Variants in PTPRQ observed in about 807,000 individuals in gnomAD.
The protein encoded by PTPRQ is phosphatidylinositol phosphatase PTPRQ.
PTPRQ carries 199 observed loss-of-function variants against 246.0 expected under a neutral mutation model. The observed-to-expected ratio is 0.81, with a 90% CI of 0.72 to 0.91. The LOEUF is 0.91. Ranked by LOEUF, PTPRQ falls within the 40% of genes least tolerant of loss-of-function variation. PTPRQ has a pLI of 0.00. For synonymous variants in PTPRQ, 869 were observed against 853.2 expected (o/e 1.02, Z -0.32); for missense variants, 2,624 against 2,528.4 (o/e 1.04, Z -0.81).
At chr12:80,481,392 TCC>T (rs1894050260) in intron 8 of PTPRQ, among the ~76,000 whole-genome samples, 1 of 152,108 alleles carries the variant, frequency 6.6e-6, no homozygotes, top group African/African-American at 2.4e-5. Context: ...ATAAGAGCCA[TCC>T]ATGACAAACC....
intron 22 of PTPRQ, among the ~76,000 whole-genome samples, 170 bp from the exon 23 acceptor site, chr12:80,542,560 C>G (rs1896187543): frequency 6.6e-6 from 1 of 152,052 alleles, no homozygotes; most frequent in Admixed American, 6.6e-5. Flanking sequence ...TACTTTGGAA[C>G]TACTCTGTCC....
chr12:80,627,133 T>C (rs910672274), intron 33 of PTPRQ, among the ~76,000 whole-genome samples: 3 of 151,998 alleles, frequency 2.0e-5, no homozygotes, highest in African/African-American at 7.2e-5. Context: ...ATGTATACCA[T>C]GTGCAATTAT....
rs540067588 is a variant in PTPRQ, at chr12:80,624,297, G to A, written c.5686+2163G>A. Among the ~76,000 whole-genome samples, 52 of 152,298 alleles carry A rather than the reference G, an allele frequency of 3.4e-4. No individual in the cohort carries two copies. The South Asian group carries it at 9.5e-3, about 28-fold the overall frequency. On this transcript the variant is annotated intron_variant, in intron 33 of 44. Coordinates refer to ENST00000644991, the MANE Select transcript of PTPRQ (RefSeq NM_001145026.2). The stretch of plus-strand genomic sequence containing the variant: ...GGATAGTGACAAGGAAGGGTCCTAT[G>A]TGTCTATGATCAAATTACTCAGAGT...
chr12:80,512,736 A>G (rs986331908), intron 17 of PTPRQ: 1 of 152,178 alleles, frequency 6.6e-6, no homozygotes, highest in Admixed American at 6.5e-5. Context: ...TCTTTTGGGT[A>G]AATATTCAAT....
intron 35 of PTPRQ, 123 bp from the exon 36 acceptor site, chr12:80,648,774 G>A (rs1279347479): frequency 7.8e-6 from 6 of 771,438 alleles, no homozygotes; most frequent in African/African-American, 1.8e-5. Flanking sequence ...TCATATATTA[G>A]TTAAAGGCAT....
rs977332318 is a variant in PTPRQ at position 80,480,667 on chromosome 12, C to T, written c.1187-3766C>T. Reference sequence around the variant, plus strand: ...AAAAAAGAGAGAAGAATCAAATAGACGCAATACAAAATGATAAAGGGGATA... The same window carrying T: ...AAAAAAGAGAGAAGAATCAAATAGATGCAATACAAAATGATAAAGGGGATA... On this transcript the variant is annotated intron_variant, in intron 8 of 44. Coordinates refer to ENST00000644991, the MANE Select transcript of PTPRQ (RefSeq NM_001145026.2). Among the ~76,000 whole-genome samples the T allele has an allele frequency of 5.9e-4, 89 of 151,938 alleles. 1 individual carries two copies. The highest frequency in any genetic ancestry group is 5.7e-4 in the Non-Finnish European group (39 of 67,962).
chr12:80,590,911 A>C (rs930440754), intron 26 of PTPRQ, among the ~76,000 whole-genome samples: 22 of 151,942 alleles, frequency 1.4e-4, no homozygotes, highest in Admixed American at 4.6e-4. Flanking sequence ...TTTTGACTAG[A>C]ATGTTCTTCC....
chr12:80,448,530 C>G (rs1270746373), intron 3 of PTPRQ, among the ~76,000 whole-genome samples: 27 of 151,816 alleles, frequency 1.8e-4, no homozygotes, highest in Admixed American at 1.7e-3. Context: ...CCCACTCCCC[C>G]CACCCCACAA....
chr12:80,641,539 G>C (rs1899855594), intron 35 of PTPRQ, among the ~76,000 whole-genome samples: 1 of 152,180 alleles, frequency 6.6e-6, no homozygotes, highest in Non-Finnish European at 1.5e-5. Flanking sequence ...GGAATCATAA[G>C]TAACCTTGTT....
intron 10 of PTPRQ, among the ~76,000 whole-genome samples, chr12:80,494,419 A>G (rs755113564): frequency 6.6e-6 from 1 of 152,076 alleles, no homozygotes; most frequent in African/African-American, 2.4e-5. Context: ...GTATGAACAT[A>G]TGGTGAAATT....
chr12:80,510,905 C>T (rs1389149670), intron 17 of PTPRQ, among the ~76,000 whole-genome samples: 1 of 152,086 alleles, frequency 6.6e-6, no homozygotes, highest in Non-Finnish European at 1.5e-5. Flanking sequence ...CGTTTCTGAT[C>T]ACTGTTACCC....
chr12:80,636,492 C>T (rs1218935413), intron 35 of PTPRQ, among the ~76,000 whole-genome samples: 5 of 152,104 alleles, frequency 3.3e-5, no homozygotes, highest in African/African-American at 1.2e-4. Context: ...TAGTGGTATC[C>T]TCCTAGCCTC....
intron 5 of PTPRQ, 81 bp downstream of exon 5, chr12:80,459,564 T>C (rs1313994596): frequency 1.8e-5 from 7 of 397,172 alleles, no homozygotes; most frequent in East Asian, 3.6e-5. Context: ...CTAGATACTA[T>C]ATTTTTACCA....
intron 17 of PTPRQ, among the ~76,000 whole-genome samples, chr12:80,513,543 T>C (rs937832758): frequency 6.6e-6 from 1 of 151,814 alleles, no homozygotes; most frequent in Non-Finnish European, 1.5e-5. Context: ...TGGGCCAGGG[T>C]GGTGTTGGGA....
At chr12:80,456,066 T>C (rs1892972172) in intron 3 of PTPRQ, among the ~76,000 whole-genome samples, 1 of 152,102 alleles carries the variant, frequency 6.6e-6, no homozygotes, top group Non-Finnish European at 1.5e-5. Context: ...ATCTTCTGGA[T>C]CCTCCCTCAA....
At position 80,613,806 on chromosome 12, in the gene PTPRQ, A is replaced by G. The variant is rs781719309; in HGVS notation, c.5133A>G (p.Gly1711=). Residue 1711 remains glycine, a synonymous_variant, in exon 29 of 45, where the codon GGA becomes GGG. Transcript: ENST00000644991. The part of the protein sequence containing the change: ...TNTFVIAMLE[G]LKGGHTYNIS... ...CATTCGTCATTGCAATGCTAGAAGG[A>G]CTAAAAGGTGGACATACATACAATA... The G allele has an allele frequency of 3.2e-6, 5 of 1,539,782 alleles. No homozygotes were observed. The highest frequency in any genetic ancestry group is 4.4e-6 in the Non-Finnish European group (5 of 1,140,348).
chr12:80,491,837 C>T (rs1331147968), intron 9 of PTPRQ, among the ~76,000 whole-genome samples: 2 of 151,682 alleles, frequency 1.3e-5, no homozygotes, highest in African/African-American at 4.8e-5. Context: ...CTGTTTTTGG[C>T]TCTCTGAGTG....
intron 17 of PTPRQ, among the ~76,000 whole-genome samples, chr12:80,511,406 A>T (rs1240116273): frequency 6.6e-6 from 1 of 152,190 alleles, no homozygotes; most frequent in Non-Finnish European, 1.5e-5. Context: ...GAAGGTTACC[A>T]TTCCTTTTCA....
At position 80,632,583 on chromosome 12, in the gene PTPRQ, G is replaced by A. The variant is rs371900654; in HGVS notation, c.5786+292G>A. ...TGGCTAACTACTAAAGAGAGTAAAA[G>A]AGAAATCTAAGAGTCCAGAAGTAGC... On this transcript the variant is annotated intron_variant, in intron 34 of 44. Transcript: ENST00000644991. 3.2e-4 allele frequency among the ~76,000 whole-genome samples: 48 copies of A among 152,260 alleles called. 1 individual carries two copies. Among genetic ancestry groups the A allele is most frequent in the African/African-American group, 1.1e-3 (47 of 41,562 alleles).
Sources: allele counts gnomAD v4.1 joint callset (sites outside exome capture counted in the v4.1 genomes callset), GRCh38; gene constraint gnomAD v4.1.1; transcripts MANE v1.5; gene names NCBI Gene and HGNC (gene_info 2026-07-23, HGNC 2026-07-21).